Variants in OTOA observed in about 807,000 individuals in gnomAD.
OTOA encodes cancer/testis antigen 108.
A neutral mutation model predicts 110.8 loss-of-function variants in OTOA; 70 were observed. The observed-to-expected ratio is 0.63, with a 90% CI of 0.52 to 0.77. The LOEUF (loss-of-function observed/expected upper bound fraction) is 0.77. OTOA is among the 30% of genes least tolerant of loss of function. The probability of loss-of-function intolerance (pLI) is 0.00; values close to 1 mark genes in which losing one functional copy is unlikely to be tolerated. For missense variants in OTOA, 917 were observed against 1,075.8 expected (o/e 0.85, Z 2.06); for synonymous variants, 373 against 431.5 (o/e 0.86, Z 1.68).
At chr16:21,707,887 C>T (rs911255895) in intron 12 of OTOA, among the ~76,000 whole-genome samples, 2 of 150,672 alleles carry the variant, frequency 1.3e-5, no homozygotes, top group African/African-American at 2.4e-5. Context: ...CTCTGCCTCC[C>T]AGGTTCAAGC....
intron 27 of OTOA, among the ~76,000 whole-genome samples, chr16:21,756,389 ATCAG>A (rs1899986509): frequency 6.6e-6 from 1 of 152,106 alleles, no homozygotes; most frequent in Non-Finnish European, 1.5e-5. Flanking sequence ...AAGGATCAGA[ATCAG>A]TCAGCAGAGG....
At position 21,705,194 on chromosome 16, in the gene OTOA, A is replaced by G; in HGVS notation, c.1006A>G (p.Asn336Asp). 6.2e-7 allele frequency: 1 copy of G among 1,614,096 alleles called. No homozygotes were observed. The highest frequency in any genetic ancestry group is 8.5e-7 in the Non-Finnish European group (1 of 1,180,014). Reference sequence around the variant, plus strand: ...GCTGGGGCTGCTGGTTTGTTTCTACAATGACCTGGAATTGCTGGATGCCAC... The same window carrying G: ...GCTGGGGCTGCTGGTTTGTTTCTACGATGACCTGGAATTGCTGGATGCCAC... ...HRLGLLVCFYNDLELLDATVA... is the reference protein window; with the variant it reads ...HRLGLLVCFYDDLELLDATVA... The change falls in exon 12 of 29, where the codon AAT becomes GAT. Residue 336 changes from asparagine (N) to aspartate (D), a missense_variant. Transcript: ENST00000646100.
intron 1 of OTOA, among the ~76,000 whole-genome samples, chr16:21,674,374 A>G (rs28874396): frequency 0.2 from 30,212 of 151,844 alleles, 4,496 homozygotes; most frequent in East Asian, 0.41. Context: ...GCAGTGGTGC[A>G]ATCTTGGCTC....
chr16:21,674,044 G>A lies in OTOA; in HGVS notation c.-4-4467G>A, dbSNP rs182925156. 6.3e-3 allele frequency among the ~76,000 whole-genome samples: 966 copies of A among 152,210 alleles called. 4 individuals are homozygous for A. The highest frequency in any genetic ancestry group is 0.011 in the Non-Finnish European group (717 of 67,986). ...GATCTCCTGACCTCGTGATCCACCC[G>A]CCTCAGCCTCCCAAAGTGCTGGGAT... On this transcript the variant is annotated intron_variant, in intron 1 of 28. Transcript: ENST00000646100.
chr16:21,705,452 T>A, intron 12 of OTOA, 160 bp downstream of exon 12: 1 of 1,085,094 alleles, frequency 9.2e-7, no homozygotes, highest in Non-Finnish European at 1.3e-6. Flanking sequence ...GAGGTAAGTG[T>A]AACATCGAAG....
chr16:21,722,952 G>A lies in OTOA; in HGVS notation c.1854G>A (p.Met618Ile). Residue 618 changes from methionine (M) to isoleucine (I), a missense_variant, in exon 18 of 29, where the codon ATG becomes ATA. This residue lies in a region of OTOA where 840 missense variants were observed against 910.2 expected (regional missense o/e 0.92). Transcript: ENST00000646100. ...ACTGGGAAGTTTCCAGATTGTCTAT[G>A]CCACCTTTCCTCTTGGCTGCACTCC... ...WKYWEVSRLS[M>I]PPFLLAALPA... 6.2e-7 allele frequency: 1 copy of A among 1,614,100 alleles called. No homozygotes were observed. The highest frequency in any genetic ancestry group is 8.5e-7 in the Non-Finnish European group (1 of 1,180,002).
chr16:21,720,377 G>A (rs1309638111), intron 17 of OTOA, among the ~76,000 whole-genome samples: 2 of 152,102 alleles, frequency 1.3e-5, no homozygotes, highest in Non-Finnish European at 2.9e-5. Context: ...TCTCAACTCT[G>A]GCCTTGTGTT....
At chr16:21,727,012 GTTTTTTTTTTTT>G (rs543449382) in intron 19 of OTOA, 1 of 140,494 alleles carries the variant, frequency 7.1e-6, no homozygotes, top group African/African-American at 3.3e-5. Context: ...CCCCCTTAGA[GTTTTTTTTTTTT>G]TTTTTTTTTT....
intron 15 of OTOA, among the ~76,000 whole-genome samples, chr16:21,717,379 T>C (rs1426228355): frequency 2.6e-5 from 4 of 152,032 alleles, no homozygotes; most frequent in African/African-American, 9.7e-5. Context: ...AGTTCCGCAA[T>C]GCAGTGAGTT....
intron 17 of OTOA, among the ~76,000 whole-genome samples, chr16:21,720,896 C>CACTATTATTATTATT (rs1898709067): frequency 6.8e-6 from 1 of 147,190 alleles, no homozygotes; most frequent in Non-Finnish European, 1.5e-5. Flanking sequence ...TACTAAAACA[C>CACTATTATTATTATT]ATTATTATTA....
At position 21,681,671 on chromosome 16, in the gene OTOA, G is replaced by A. The variant is rs1385081537; in HGVS notation, c.180-67G>A. ...TCCCTACCTGTCCCCTGGGCACTTA[G>A]CTAGTACAGTAGTGCTTGTAGGAGA... On this transcript the variant is annotated intron_variant, in intron 5 of 28. Coordinates refer to ENST00000646100, the MANE Select transcript of OTOA (RefSeq NM_144672.4). The A allele has an allele frequency of 5.8e-6, 8 of 1,381,996 alleles. No homozygotes were observed. The East Asian group carries it at 1.8e-4, about 32-fold the overall frequency. The allele number at this position is 1,381,996 out of a possible 1,614,324, so 85.6% of individuals were successfully genotyped here.
At chr16:21,709,771 C>G in intron 12 of OTOA, 117 bp from the exon 13 acceptor site, 1 of 923,726 alleles carries the variant, frequency 1.1e-6, no homozygotes, top group South Asian at 1.4e-5. Context: ...AGCCCAAAAG[C>G]TTTGATGGAA....
chr16:21,726,481 C>G, intron 18 of OTOA, 42 bp from the exon 19 acceptor site: 1 of 1,611,652 alleles, frequency 6.2e-7, no homozygotes, highest in Non-Finnish European at 8.5e-7. Context: ...CCAACAGGAG[C>G]AGCCATGTGT....
Position 21,709,895 on chromosome 16 carries a change from C to G in OTOA, c.1112C>G (p.Ala371Gly), listed in dbSNP as rs1898301468. Residue 371 changes from alanine to glycine, a missense_variant, in exon 13 of 29, where the codon GCA becomes GGA. Physicochemically the swap from Ala to Gly is moderately conservative, Grantham distance 60. Transcript: ENST00000646100. ...GFQAGVQKLK[A>G]ELLDIAMENQ... ...AGTTTGCTCTCCTTCCAGCTCAAAGCAGAACTCCTGGACATTGCCATGGAG... is the reference window on the plus strand; with the variant it reads ...AGTTTGCTCTCCTTCCAGCTCAAAGGAGAACTCCTGGACATTGCCATGGAG... The G allele has an allele frequency of 3.7e-6, 6 of 1,613,206 alleles. No homozygotes were observed. The highest frequency in any genetic ancestry group is 1.3e-5 in the African/African-American group (1 of 74,868).
At chr16:21,688,219 C>A (rs1897758753) in intron 8 of OTOA, among the ~76,000 whole-genome samples, 1 of 151,966 alleles carries the variant, frequency 6.6e-6, no homozygotes, top group African/African-American at 2.4e-5. Flanking sequence ...GAAACCACGT[C>A]TCTACTAAAA....
At chr16:21,703,554 T>C (rs1898094716) in intron 11 of OTOA, among the ~76,000 whole-genome samples, 1 of 152,152 alleles carries the variant, frequency 6.6e-6, no homozygotes, top group African/African-American at 2.4e-5. Context: ...GATGATTCCA[T>C]GTCTTGGCTG....
intron 21 of OTOA, among the ~76,000 whole-genome samples, chr16:21,734,896 T>C (rs1160310307): frequency 6.6e-6 from 1 of 151,926 alleles, no homozygotes; most frequent in Non-Finnish European, 1.5e-5. Context: ...CCCAGCACTT[T>C]GGGAGGCCGA....
Position 21,722,994 on chromosome 16 carries a change from C to A in OTOA, c.1880+16C>A. On this transcript the variant is annotated intron_variant, in intron 18 of 28. Coordinates refer to ENST00000646100, the MANE Select transcript of OTOA (RefSeq NM_144672.4). ...CTGCACTCCCGTAAGTGAACATCAG[C>A]CCCCACCTTCTGGCTCATCAGTGAG... The A allele has an allele frequency of 6.2e-7, 1 of 1,612,502 alleles. No homozygotes were observed.
At chr16:21,736,588 T>C (rs1020214460) in intron 22 of OTOA, among the ~76,000 whole-genome samples, 198 bp downstream of exon 22, 1 of 152,214 alleles carries the variant, frequency 6.6e-6, no homozygotes, top group Non-Finnish European at 1.5e-5. Flanking sequence ...CCTAGCACTT[T>C]GTGAGGTTGA....
Sources: gnomAD v4.1 joint callset for allele counts (sites outside exome capture counted in the v4.1 genomes callset) on GRCh38, gnomAD v4.1.1 for gene constraint, gnomAD v4.1.1 regional missense constraint, MANE v1.5 for transcripts, NCBI Gene and HGNC (gene_info 2026-07-23, HGNC 2026-07-21) for gene names.